CHIC1: variants seen among roughly 807,000 people sequenced by gnomAD.
CHIC1 encodes cysteine-rich hydrophobic domain-containing protein 1.
Under a neutral mutation model 18.5 loss-of-function variants are expected in CHIC1, and 7 were observed. The ratio of observed to expected loss-of-function variants is 0.38; its 90% CI spans 0.22 to 0.71. CHIC1 has a LOEUF of 0.71. Among genes scored for constraint, CHIC1 ranks in the 30% least tolerant of loss-of-function variants. The pLI is 0.49. For synonymous variants in CHIC1, 77 were observed against 73.5 expected, an observed-to-expected ratio of 1.05 and a Z score of -0.25; for missense variants, 159 against 176.9, an observed-to-expected ratio of 0.90 and a Z score of 0.57.
chrX:73,565,535 C>T (rs1208905359), intron 1 of CHIC1, among the ~76,000 whole-genome samples: 2 of 111,486 alleles, frequency 1.8e-5, no homozygotes, highest in African/African-American at 6.5e-5. Flanking sequence ...CAGTACTAGA[C>T]TCACTAACCA....
rs192835796 is a variant in CHIC1 at position 73,677,813 on chromosome X, C to T, written c.508-1513C>T. Among the ~76,000 whole-genome samples the T allele has an allele frequency of 7.7e-4, 86 of 112,386 alleles. 3 individuals carry two copies. The South Asian group carries it at 0.031, about 40-fold the overall frequency. ...ACCTTAGTTGGAAATGCAGAAATCA[C>T]CCGTCTTCTGCGTCGCTCACACTGG... On this transcript the variant is annotated intron_variant, in intron 3 of 5. Transcript: ENST00000373502.
rs1243697287 is a variant in CHIC1 at position 73,686,031 on chromosome X, A to G, written c.*5026A>G. The G allele has an allele frequency of 9.0e-6, 1 of 111,599 alleles. No homozygotes were observed. Among genetic ancestry groups the G allele is most frequent in the African/African-American group, 3.2e-5 (1 of 30,843 alleles). The allele number at this position is 111,599 out of a possible 1,213,427, so 9.2% of individuals were successfully genotyped here. ...CATAATATTCCTGCTTCACAAGTCA[A>G]TTAAGACATTGAATTTCCATTCATT... On this transcript the variant is annotated 3_prime_UTR_variant, in exon 6 of 6. Coordinates refer to ENST00000373502, the MANE Select transcript of CHIC1 (RefSeq NM_001039840.4).
At chrX:73,582,591 A>T (rs1319479844) in intron 2 of CHIC1, among the ~76,000 whole-genome samples, 2 of 110,598 alleles carry the variant, frequency 1.8e-5, no homozygotes, top group Non-Finnish European at 3.8e-5. Context: ...ATTAATAGTT[A>T]CTTGAGTAAA....
chrX:73,570,968 T>C (rs911749896), intron 1 of CHIC1, among the ~76,000 whole-genome samples: 1 of 110,650 alleles, frequency 9.0e-6, no homozygotes, highest in Non-Finnish European at 1.9e-5. Flanking sequence ...TTGAGTAAAT[T>C]TACTGAATAA....
intron 3 of CHIC1, among the ~76,000 whole-genome samples, chrX:73,634,575 G>A (rs1267036412): frequency 9.0e-6 from 1 of 111,551 alleles, no homozygotes; most frequent in Admixed American, 9.5e-5. Flanking sequence ...GTGTTCCTCA[G>A]GCAAGTCATT....
intron 3 of CHIC1, among the ~76,000 whole-genome samples, chrX:73,611,248 C>T (rs1326014742): frequency 9.3e-6 from 1 of 107,753 alleles, no homozygotes; most frequent in Non-Finnish European, 1.9e-5. Flanking sequence ...CAGTTCCCAC[C>T]CATGAGTGAG....
intron 3 of CHIC1, among the ~76,000 whole-genome samples, chrX:73,592,715 A>G (rs1455166844): frequency 9.1e-6 from 1 of 109,988 alleles, no homozygotes; most frequent in Non-Finnish European, 1.9e-5. Context: ...TGCTGGCTTC[A>G]TAGGATGAAT....
At chrX:73,571,960 T>C (rs1056599536) in intron 1 of CHIC1, among the ~76,000 whole-genome samples, 1 of 110,623 alleles carries the variant, frequency 9.0e-6, no homozygotes, top group African/African-American at 3.3e-5. Flanking sequence ...GTTTTTTTTT[T>C]CTTTGTCAAA....
At chrX:73,618,936 A>G (rs180781035) in intron 3 of CHIC1, among the ~76,000 whole-genome samples, 1 of 112,189 alleles carries the variant, frequency 8.9e-6, no homozygotes, top group African/African-American at 3.2e-5. Flanking sequence ...AAAGTCAGAA[A>G]TGGCTTCTTT....
chrX:73,595,222 A>T (rs1407541026), intron 3 of CHIC1, among the ~76,000 whole-genome samples: 1 of 111,157 alleles, frequency 9.0e-6, no homozygotes, highest in Non-Finnish European at 1.9e-5. Context: ...TGTGCAGAAC[A>T]TATAGGTGTG....
intron 3 of CHIC1, among the ~76,000 whole-genome samples, chrX:73,596,761 A>G (rs1023472479): frequency 9.0e-6 from 1 of 111,562 alleles, no homozygotes; most frequent in African/African-American, 3.3e-5. Flanking sequence ...AAACTTGCCA[A>G]AAACAAGCAA....
In CHIC1 at chrX:73,577,421, A is replaced by T; in HGVS notation, c.311A>T (p.Asn104Ile). The change falls in exon 2 of 6, where the codon AAC becomes ATC. Residue 104 changes from asparagine (N) to isoleucine (I), a missense_variant. By Grantham distance (149) the Asn-to-Ile change is moderately radical. Coordinates refer to ENST00000373502, the MANE Select transcript of CHIC1 (RefSeq NM_001039840.4). ...AGHITVFGLS[N>I]KFDTEFPSVL... Reference sequence around the variant, plus strand: ...TTGTTTTGAAGGTTTGGCTTGAGCAACAAGTTTGATACTGAATTTCCCTCC... The same window carrying T: ...TTGTTTTGAAGGTTTGGCTTGAGCATCAAGTTTGATACTGAATTTCCCTCC... The T allele has an allele frequency of 8.3e-7, 1 of 1,200,071 alleles. No homozygotes were observed. Among genetic ancestry groups the T allele is most frequent in the Non-Finnish European group, 1.1e-6 (1 of 886,445 alleles).
At chrX:73,564,190 C>T (rs765876286) in intron 1 of CHIC1, among the ~76,000 whole-genome samples, 1 of 111,251 alleles carries the variant, frequency 9.0e-6, no homozygotes, top group Non-Finnish European at 1.9e-5. Flanking sequence ...CCCGGTTTTG[C>T]TTCTTACTGG....
Position 73,583,736 on chromosome X carries a change from A to G in CHIC1, c.352-681A>G, listed in dbSNP as rs192767082. 1.7e-4 allele frequency among the ~76,000 whole-genome samples: 19 copies of G among 111,644 alleles called. No homozygotes were observed. In the East Asian group the frequency reaches 5.1e-3, roughly 30 times the overall value. On this transcript the variant is annotated intron_variant, in intron 2 of 5. Transcript: ENST00000373502. The stretch of plus-strand genomic sequence containing the variant: ...TGTTTACAGAGAAGCACAAGCAGCC[A>G]CTTCCAAGAATGGAGGTAGTAACTA...
rs780361383 is a variant in CHIC1 at position 73,684,372 on chromosome X, C to G, written c.*3367C>G. ...TGAGCAATCAAACTGTTTTATCTAC[C>G]ATTTTTGATGAAATTTGAATAAAGT... On this transcript the variant is annotated 3_prime_UTR_variant, in exon 6 of 6. Transcript: ENST00000373502. 9.0e-6 allele frequency: 1 copy of G among 111,326 alleles called. No homozygotes were observed. The highest frequency in any genetic ancestry group is 1.9e-5 in the Non-Finnish European group (1 of 52,799). 9.2% of individuals were successfully genotyped at this position (111,326 alleles called of 1,213,427 possible).
At chrX:73,672,159 A>T (rs1354264926) in intron 3 of CHIC1, among the ~76,000 whole-genome samples, 1 of 111,671 alleles carries the variant, frequency 9.0e-6, no homozygotes, top group Non-Finnish European at 1.9e-5. Flanking sequence ...TTCTTAATCC[A>T]GTCTATTGTT....
Position 73,586,607 on chromosome X carries a change from T to C in CHIC1, c.507+2035T>C, listed in dbSNP as rs185339384. 1.7e-4 allele frequency among the ~76,000 whole-genome samples: 19 copies of C among 112,080 alleles called. No homozygotes were observed. The East Asian group carries it at 5.1e-3, about 30-fold the overall frequency. On this transcript the variant is annotated intron_variant, in intron 3 of 5. Transcript: ENST00000373502. ...TAATTGGAAGTATGATTCACATTCA[T>C]ATAGTTCAAATCCCTTATTTTACAG...
chrX:73,592,263 C>T (rs1321263112), intron 3 of CHIC1, among the ~76,000 whole-genome samples: 1 of 110,698 alleles, frequency 9.0e-6, no homozygotes, highest in African/African-American at 3.3e-5. Flanking sequence ...GAGTGAGTAT[C>T]CTTTTCTTGT....
At chrX:73,674,449 G>A (rs2058050511) in intron 3 of CHIC1, among the ~76,000 whole-genome samples, 1 of 111,527 alleles carries the variant, frequency 9.0e-6, no homozygotes, top group African/African-American at 3.3e-5. Context: ...ACTTCTTCCT[G>A]GTTTAGTCTT....
Sources: gnomAD v4.1 joint callset for allele counts (sites outside exome capture counted in the v4.1 genomes callset) on GRCh38, gnomAD v4.1.1 for gene constraint, MANE v1.5 for transcripts, NCBI Gene and HGNC (gene_info 2026-07-23, HGNC 2026-07-21) for gene names.